The following EFCAB6 variants were observed in gnomAD, a reference collection of about 807,000 sequenced individuals.
EFCAB6 encodes EF-hand calcium binding domain 6, also known as EF-hand calcium-binding domain-containing protein 6.
In EFCAB6, 156 loss-of-function variants were observed where a neutral mutation model predicts 169.8. The observed-to-expected ratio is 0.92, with a 90% CI of 0.81 to 1.05. The LOEUF (loss-of-function observed/expected upper bound fraction) is 1.05. Among genes scored for constraint, EFCAB6 ranks in the 50% least tolerant of loss-of-function variants. The pLI is 0.00. For synonymous variants in EFCAB6, 698 were observed against 676.4 expected, an observed-to-expected ratio of 1.03 and a Z score of -0.50; for missense variants, 1,800 against 1,829.1, an observed-to-expected ratio of 0.98 and a Z score of 0.29.
At chr22:43,655,640 C>T (rs1031564215) in intron 17 of EFCAB6, among the ~76,000 whole-genome samples, 2 of 151,894 alleles carry the variant, frequency 1.3e-5, no homozygotes, top group African/African-American at 4.8e-5. Flanking sequence ...GATATAAAGC[C>T]AACTATATAG....
intron 27 of EFCAB6, among the ~76,000 whole-genome samples, chr22:43,551,120 C>T (rs934865853): frequency 6.6e-6 from 1 of 152,172 alleles, no homozygotes; most frequent in Non-Finnish European, 1.5e-5. Context: ...GTTGAACTGT[C>T]CTGGCGTCTT....
At chr22:43,722,037 A>G (rs993345400) in intron 8 of EFCAB6, among the ~76,000 whole-genome samples, 2 of 152,124 alleles carry the variant, frequency 1.3e-5, no homozygotes, top group Non-Finnish European at 2.9e-5. Flanking sequence ...TTTAAACACA[A>G]TATCAACAAG....
chr22:43,591,129 T>C (rs1240732355), intron 23 of EFCAB6, among the ~76,000 whole-genome samples: 3 of 150,564 alleles, frequency 2.0e-5, no homozygotes, highest in African/African-American at 7.4e-5. Flanking sequence ...TTTTTGTTTT[T>C]TTTTTGTTTT....
intron 17 of EFCAB6, among the ~76,000 whole-genome samples, chr22:43,664,839 G>A (rs761813879): frequency 7.2e-5 from 11 of 152,272 alleles, no homozygotes; most frequent in Non-Finnish European, 1.6e-4. Context: ...GCCCTCGGTG[G>A]GTTCCACTGA....
chr22:43,766,129 C>T (rs940938936), intron 4 of EFCAB6, among the ~76,000 whole-genome samples: 14 of 152,050 alleles, frequency 9.2e-5, no homozygotes, highest in African/African-American at 1.9e-4. Flanking sequence ...TTCGCCTCCC[C>T]GGTTCATGCA....
chr22:43,591,906 A>G (rs927159803), intron 23 of EFCAB6, among the ~76,000 whole-genome samples: 3 of 152,242 alleles, frequency 2.0e-5, no homozygotes, highest in Admixed American at 6.5e-5. Flanking sequence ...TGTAAATTCA[A>G]TAATTTCAAC....
At chr22:43,753,102 C>T (rs988084188) in intron 6 of EFCAB6, among the ~76,000 whole-genome samples, 1 of 152,016 alleles carries the variant, frequency 6.6e-6, no homozygotes, top group Non-Finnish European at 1.5e-5. Context: ...AATGAGAAAC[C>T]ATCCACGGCA....
At chr22:43,624,460 A>T (rs2054352834) in intron 20 of EFCAB6, among the ~76,000 whole-genome samples, 2 of 151,980 alleles carry the variant, frequency 1.3e-5, no homozygotes, top group African/African-American at 4.8e-5. Context: ...AACCAGGCCC[A>T]CCATGCAGGT....
chr22:43,680,630 T>C (rs1569373755), intron 12 of EFCAB6, among the ~76,000 whole-genome samples: 2 of 152,342 alleles, frequency 1.3e-5, no homozygotes, highest in Non-Finnish European at 1.5e-5. Flanking sequence ...CCTTTAACAA[T>C]GTTTTGTAAT....
intron 21 of EFCAB6, 89 bp from the exon 22 acceptor site, chr22:43,608,689 T>C: frequency 8.2e-7 from 1 of 1,214,060 alleles, no homozygotes; most frequent in African/African-American, 1.5e-5. Flanking sequence ...TGTGGGAAAC[T>C]CTAAGGCATC....
chr22:43,688,263 T>C (rs1252146347), intron 10 of EFCAB6, among the ~76,000 whole-genome samples: 2 of 152,202 alleles, frequency 1.3e-5, no homozygotes, highest in Non-Finnish European at 2.9e-5. Context: ...AAAAAAGCCC[T>C]GCTGATTCCT....
At chr22:43,777,100 G>A (rs1011292468) in intron 3 of EFCAB6, among the ~76,000 whole-genome samples, 2 of 152,170 alleles carry the variant, frequency 1.3e-5, no homozygotes, top group Non-Finnish European at 2.9e-5. Context: ...GATTGGCTGA[G>A]GAGGCGTGTG....
intron 22 of EFCAB6, among the ~76,000 whole-genome samples, chr22:43,602,082 A>C (rs1446783314): frequency 6.6e-6 from 1 of 152,246 alleles, no homozygotes; most frequent in East Asian, 1.9e-4. Context: ...TTCACCTGGC[A>C]AGGCCCTTTC....
intron 26 of EFCAB6, 140 bp downstream of exon 26, chr22:43,576,157 C>A (rs2050242749): frequency 1.7e-6 from 1 of 599,242 alleles, no homozygotes; most frequent in African/African-American, 2.0e-5. Flanking sequence ...ATAATTTATA[C>A]CAGTTTTTCA....
chr22:43,603,737 C>A (rs1393287898), intron 22 of EFCAB6, among the ~76,000 whole-genome samples: 1 of 152,262 alleles, frequency 6.6e-6, no homozygotes, highest in Non-Finnish European at 1.5e-5. Flanking sequence ...AGACACAGCA[C>A]CTCATGCAGC....
intron 3 of EFCAB6, among the ~76,000 whole-genome samples, chr22:43,781,411 C>A (rs2061819695): frequency 6.6e-6 from 1 of 152,158 alleles, no homozygotes; most frequent in African/African-American, 2.4e-5. Flanking sequence ...GAAGTCTTGA[C>A]CTCCAGGGCC....
At chr22:43,574,441 G>A (rs372094592) in intron 26 of EFCAB6, among the ~76,000 whole-genome samples, 11 of 152,222 alleles carry the variant, frequency 7.2e-5, no homozygotes, top group South Asian at 2.1e-4. Flanking sequence ...TGTCTACTCC[G>A]CCTTCCCCAA....
chr22:43,613,983 C>T (rs942748030), intron 21 of EFCAB6, among the ~76,000 whole-genome samples: 1 of 151,786 alleles, frequency 6.6e-6, no homozygotes, highest in South Asian at 2.1e-4. Context: ...ATAATGAAAA[C>T]TACAAAACTC....
intron 10 of EFCAB6, among the ~76,000 whole-genome samples, chr22:43,698,758 G>C (rs369770679): frequency 1.3e-5 from 2 of 152,148 alleles, no homozygotes; most frequent in African/African-American, 4.8e-5. Context: ...TAACTCACCA[G>C]GTGAACAATG....
Sources: gnomAD v4.1 joint callset for allele counts (sites outside exome capture counted in the v4.1 genomes callset) on GRCh38, gnomAD v4.1.1 for gene constraint, MANE v1.5 for transcripts, NCBI Gene and HGNC (gene_info 2026-07-23, HGNC 2026-07-21) for gene names.